RELCH: variants seen among roughly 807,000 people sequenced by gnomAD.
RELCH encodes the protein RAB11 binding and LisH domain, coiled-coil and HEAT repeat containing.
Under a neutral mutation model 150.3 loss-of-function variants are expected in RELCH, and 41 were observed. The ratio of observed to expected loss-of-function variants is 0.27; its 90% confidence interval spans 0.21 to 0.35. The LOEUF (loss-of-function observed/expected upper bound fraction) is 0.35. Among genes scored for constraint, RELCH ranks in the 10% least tolerant of loss-of-function variants. The pLI, the probability that RELCH is intolerant of heterozygous loss-of-function variation, is 1.00. For synonymous variants in RELCH, 478 were observed against 531.8 expected, an observed-to-expected ratio of 0.90 and a Z score of 1.39; for missense variants, 1,092 against 1,467.8, an observed-to-expected ratio of 0.74 and a Z score of 4.18.
At chr18:62,261,683 A>C in intron 16 of RELCH, 25 bp downstream of exon 16, 1 of 1,592,184 alleles carries the variant, frequency 6.3e-7, no homozygotes, top group Non-Finnish European at 8.6e-7. Context: ...TTCTGGAAGA[A>C]AAATGTAGAA....
intron 9 of RELCH, 126 bp from the exon 10 acceptor site, chr18:62,232,203 TATC>T (rs1040903228): frequency 3.3e-6 from 2 of 598,288 alleles, no homozygotes; most frequent in East Asian, 2.8e-5. Context: ...TTGTTGTTGT[TATC>T]ATAAGTTAAA....
intron 28 of RELCH, chr18:62,300,697 T>G (rs935396077): frequency 4.5e-4 from 69 of 152,294 alleles, no homozygotes; most frequent in African/African-American, 1.6e-3. Flanking sequence ...ACGTATTTCA[T>G]CCCGAGAAAT....
intron 10 of RELCH, among the ~76,000 whole-genome samples, chr18:62,233,354 A>C (rs1330818098): frequency 6.6e-6 from 1 of 151,912 alleles, no homozygotes; most frequent in Non-Finnish European, 1.5e-5. Context: ...ATTCAATCAT[A>C]ATTTCTGGGA....
intron 28 of RELCH, chr18:62,301,008 A>G (rs2045640923): frequency 1.3e-5 from 2 of 152,262 alleles, no homozygotes; most frequent in African/African-American, 2.4e-5. Flanking sequence ...TGAAAGTGGG[A>G]AAAAGAAGCA....
At position 62,307,449 on chromosome 18, in the gene RELCH, A is replaced by C. The variant is rs902247171; in HGVS notation, c.*1915A>C. 1.3e-5 allele frequency: 2 copies of C among 152,128 alleles called. No individual in the cohort carries two copies. The highest frequency in any genetic ancestry group is 4.8e-5 in the African/African-American group (2 of 41,464). 9.4% of individuals were successfully genotyped at this position (152,128 alleles called of 1,614,324 possible). A position where few individuals can be genotyped will look rare whatever the true frequency, so the allele number is the denominator to read the frequency against. On this transcript the variant is annotated 3_prime_UTR_variant, in exon 29 of 29. Coordinates refer to ENST00000644646, the MANE Select transcript of RELCH (RefSeq NM_001346231.2). ...CTTAATTAATGAATATATTTATTTA[A>C]GTGCTAATGTTTTTTTAAAGGCAAT... is the stretch of plus-strand genomic sequence containing the variant.
intron 26 of RELCH, among the ~76,000 whole-genome samples, chr18:62,289,253 TC>T (rs2044984223): frequency 2.6e-5 from 4 of 152,210 alleles, no homozygotes; most frequent in Admixed American, 2.6e-4. Context: ...AAGTGTTAGT[TC>T]TACATGAGTC....
chr18:62,281,483 G>A (rs1266401837), intron 24 of RELCH, among the ~76,000 whole-genome samples: 1 of 152,124 alleles, frequency 6.6e-6, no homozygotes, highest in African/African-American at 2.4e-5. Flanking sequence ...GACCACCAAG[G>A]TCTTCCTTCT....
chr18:62,279,884 C>T (rs1285812561), intron 23 of RELCH, 28 bp downstream of exon 23: 7 of 1,442,890 alleles, frequency 4.9e-6, no homozygotes, highest in Admixed American at 2.0e-5. Context: ...CTTTTATATT[C>T]GGCATCCCTT....
At chr18:62,299,963 A>G (rs2045592346) in intron 28 of RELCH, 1 of 152,158 alleles carries the variant, frequency 6.6e-6, no homozygotes, top group Admixed American at 6.5e-5. Flanking sequence ...TCCTTGTTTC[A>G]TAAATGTCAG....
intron 16 of RELCH, among the ~76,000 whole-genome samples, 197 bp downstream of exon 16, chr18:62,261,855 C>A (rs1157897671): frequency 6.6e-6 from 1 of 151,786 alleles, no homozygotes; most frequent in African/African-American, 2.4e-5. Context: ...TGGATAAGCC[C>A]CATTGTCTTA....
intron 20 of RELCH, among the ~76,000 whole-genome samples, chr18:62,273,214 A>G (rs947686688): frequency 1.3e-5 from 2 of 151,932 alleles, no homozygotes; most frequent in African/African-American, 2.4e-5. Flanking sequence ...TTAACATAAA[A>G]CATTATTTTT....
chr18:62,204,061 GA>G (rs1481448251), intron 1 of RELCH, among the ~76,000 whole-genome samples: 1 of 151,878 alleles, frequency 6.6e-6, no homozygotes, highest in Non-Finnish European at 1.5e-5. Flanking sequence ...ATATATGGGG[GA>G]AAATTCAAAA....
At chr18:62,235,672 A>G (rs180699410) in intron 10 of RELCH, among the ~76,000 whole-genome samples, 29 of 151,998 alleles carry the variant, frequency 1.9e-4, no homozygotes, top group Admixed American at 7.2e-4. Context: ...TCTTTGGCTA[A>G]ATTTATTCCT....
At position 62,261,504 on chromosome 18, in the gene RELCH, G is replaced by A; in HGVS notation, c.2203-7G>A. The A allele has an allele frequency of 6.2e-7, 1 of 1,609,396 alleles. No individual in the cohort carries two copies. Among genetic ancestry groups the A allele is most frequent in the Non-Finnish European group, 8.5e-7 (1 of 1,177,466 alleles). The stretch of plus-strand genomic sequence containing the variant: ...CTAAAATTAGCTTCCACCTCCTTAT[G>A]TTTCAGGAAGGAGAACATGGACTGG... On this transcript the variant is annotated splice_polypyrimidine_tract_variant and splice_region_variant and intron_variant, in intron 15 of 28. Coordinates refer to ENST00000644646, the MANE Select transcript of RELCH (RefSeq NM_001346231.2).
In RELCH at chr18:62,204,293, A is replaced by C. The variant is rs1421873591; in HGVS notation, c.527-6860A>C. ...TTTATTTTAAAGAACTGGAAATTTT[A>C]GGTATTGCATAGTAATCCAGGAACT... is the stretch of plus-strand genomic sequence containing the variant. On this transcript the variant is annotated intron_variant, in intron 1 of 28. Transcript: ENST00000644646. Among the ~76,000 whole-genome samples, 5 of 152,280 alleles carry C rather than the reference A, an allele frequency of 3.3e-5. 1 individual carries two copies. The South Asian group carries it at 8.3e-4, about 25-fold the overall frequency.
Position 62,214,023 on chromosome 18 carries a change from GT to G in RELCH, c.616+2791del, listed in dbSNP as rs372211104. On this transcript the variant is annotated intron_variant, in intron 2 of 28. Transcript: ENST00000644646. ...ATTAAATATGTGATAGTTTTGGCCT[GT>G]TTTTTTTTTAATTTGAGACTATCAT... 2.7e-5 allele frequency among the ~76,000 whole-genome samples: 4 copies of G among 147,944 alleles called. No individual in the cohort carries two copies. In the East Asian group the frequency reaches 5.9e-4, roughly 22 times the overall value.
rs139597057 is a variant in RELCH, at chr18:62,262,839, A to G, written c.2351-1150A>G. ...GTGGCTTAAACAACAGAAATTTATT[A>G]TCTCACACTTCTGAATTTTAGAAGT... On this transcript the variant is annotated intron_variant, in intron 16 of 28. Coordinates refer to ENST00000644646, the MANE Select transcript of RELCH (RefSeq NM_001346231.2). 1.6e-4 allele frequency among the ~76,000 whole-genome samples: 25 copies of G among 151,990 alleles called. 1 individual carries two copies. The highest frequency in any genetic ancestry group is 5.1e-4 in the African/African-American group (21 of 41,468).
At chr18:62,239,949 A>G (rs1218946617) in intron 10 of RELCH, among the ~76,000 whole-genome samples, 1 of 151,924 alleles carries the variant, frequency 6.6e-6, no homozygotes, top group Non-Finnish European at 1.5e-5. Context: ...TTCACATTAT[A>G]TCCAAATGTA....
chr18:62,244,792 C>T lies in RELCH; in HGVS notation c.1649C>T (p.Ala550Val). Reference protein sequence around the residue: ...EELIPLILCTACLHPEPKERD... With the variant: ...EELIPLILCTVCLHPEPKERD... ...TTGATCCCCCTCATATTGTGTACAG[C>T]ATGTCTACATCCTGAGCCTAAAGAG... The change falls in exon 11 of 29, where the codon GCA becomes GTA. Residue 550 changes from alanine to valine, a missense_variant. By Grantham distance (64) the Ala-to-Val change is moderately conservative. Around this residue, in one of 4 missense-constraint regions of RELCH, gnomAD observed 707 missense variants for 1,025.4 expected, o/e 0.69. Transcript: ENST00000644646. 6.2e-7 allele frequency: 1 copy of T among 1,612,630 alleles called. No homozygotes were observed. The highest frequency in any genetic ancestry group is 8.5e-7 in the Non-Finnish European group (1 of 1,178,750).
Sources: allele counts gnomAD v4.1 joint callset (sites outside exome capture counted in the v4.1 genomes callset), GRCh38; gene constraint gnomAD v4.1.1; regional missense constraint gnomAD v4.1.1; transcripts MANE v1.5; gene names NCBI Gene and HGNC (gene_info 2026-07-23, HGNC 2026-07-21).